Variants in FNDC3B observed in about 807,000 individuals in gnomAD.
FNDC3B encodes the protein fibronectin type III domain-containing protein 3B.
In FNDC3B, 12 loss-of-function variants were observed where a neutral mutation model predicts 151.5. The ratio of observed to expected loss-of-function variants is 0.08; its 90% confidence interval spans 0.05 to 0.13. The LOEUF (loss-of-function observed/expected upper bound fraction) is 0.13, where lower values mean the gene tolerates loss of function less well. Among genes scored for constraint, FNDC3B ranks in the 10% least tolerant of loss-of-function variants. The pLI, the probability that FNDC3B is intolerant of heterozygous loss-of-function variation, is 1.00. For synonymous variants in FNDC3B, 528 were observed against 549.0 expected, an observed-to-expected ratio of 0.96 and a Z score of 0.54; for missense variants, 1,214 against 1,505.3, an observed-to-expected ratio of 0.81 and a Z score of 3.20.
At chr3:172,301,216 G>A (rs1386951035) in intron 9 of FNDC3B, among the ~76,000 whole-genome samples, 1 of 152,194 alleles carries the variant, frequency 6.6e-6, no homozygotes, top group Non-Finnish European at 1.5e-5. Context: ...TCATGTATAA[G>A]TGCTACCTTT....
At chr3:172,247,851 G>A in intron 5 of FNDC3B, 75 bp downstream of exon 5, 8 of 1,513,264 alleles carry the variant, frequency 5.3e-6, no homozygotes, top group Non-Finnish European at 7.3e-6. Context: ...GCGGTCCTTT[G>A]TTTCTTGTGA....
chr3:172,200,046 A>G (rs1725064727), intron 3 of FNDC3B, among the ~76,000 whole-genome samples: 1 of 146,054 alleles, frequency 6.8e-6, no homozygotes, highest in Non-Finnish European at 1.5e-5. Context: ...CTAACCCATT[A>G]TTCCAGTTCA....
chr3:172,079,265 G>GA (rs1007748278), intron 1 of FNDC3B, among the ~76,000 whole-genome samples: 1 of 151,840 alleles, frequency 6.6e-6, no homozygotes. Context: ...GCTGGTTGGG[G>GA]AAAAAAAATA....
At chr3:172,129,181 G>A (rs1254570852) in intron 2 of FNDC3B, among the ~76,000 whole-genome samples, 1 of 152,054 alleles carries the variant, frequency 6.6e-6, no homozygotes, top group South Asian at 2.1e-4. Context: ...TATGTTGCTG[G>A]GGTTGGTCTG....
intron 6 of FNDC3B, among the ~76,000 whole-genome samples, chr3:172,280,285 T>G (rs908029172): frequency 3.9e-5 from 6 of 152,248 alleles, no homozygotes; most frequent in African/African-American, 1.4e-4. Flanking sequence ...AGGCATTGAC[T>G]AGGTATCTAG....
At chr3:172,276,527 T>A (rs1328991202) in intron 6 of FNDC3B, among the ~76,000 whole-genome samples, 3 of 152,194 alleles carry the variant, frequency 2.0e-5, no homozygotes, top group Non-Finnish European at 4.4e-5. Flanking sequence ...TGTAATATAA[T>A]GATACATGCT....
intron 3 of FNDC3B, among the ~76,000 whole-genome samples, chr3:172,212,023 A>T (rs1489998935): frequency 2.0e-5 from 3 of 152,232 alleles, no homozygotes; most frequent in Non-Finnish European, 4.4e-5. Context: ...TCATATAAAT[A>T]AACAGCAATA....
At chr3:172,387,321 C>T (rs924233030) in intron 25 of FNDC3B, among the ~76,000 whole-genome samples, 3 of 152,132 alleles carry the variant, frequency 2.0e-5, no homozygotes, top group Non-Finnish European at 4.4e-5. Context: ...TGGTCTCCAA[C>T]TCCTAACCTC....
chr3:172,267,194 C>T (rs1336300998), intron 6 of FNDC3B, among the ~76,000 whole-genome samples: 1 of 150,964 alleles, frequency 6.6e-6, no homozygotes, highest in Non-Finnish European at 1.5e-5. Flanking sequence ...CTCACTCTGT[C>T]ACCCAGACTG....
chr3:172,256,563 T>C (rs1728356613), intron 6 of FNDC3B, among the ~76,000 whole-genome samples: 1 of 152,196 alleles, frequency 6.6e-6, no homozygotes, highest in South Asian at 2.1e-4. Flanking sequence ...GAAGTTTCTG[T>C]TGCTCTTCAT....
intron 1 of FNDC3B, among the ~76,000 whole-genome samples, chr3:172,060,124 C>T (rs967387025): frequency 6.6e-5 from 10 of 152,112 alleles, no homozygotes; most frequent in Non-Finnish European, 1.2e-4. Flanking sequence ...GTTTCCCTCC[C>T]GAAGAGAGAA....
intron 23 of FNDC3B, among the ~76,000 whole-genome samples, chr3:172,363,409 G>A (rs973447797): frequency 6.6e-6 from 1 of 152,052 alleles, no homozygotes; most frequent in Non-Finnish European, 1.5e-5. Flanking sequence ...AGCCTTTCAC[G>A]TAGTATTTGT....
rs535706239 is a variant in FNDC3B, at chr3:172,397,600, GA to G, written c.*133del. On this transcript the variant is annotated 3_prime_UTR_variant, in exon 26 of 26. Transcript: ENST00000415807. ...ATACTCTGTTTTACAGATTTAGCTA[GA>G]AAAAAAATGTCAGTGTTTTGGTGCA... The G allele has an allele frequency of 2.1e-5, 10 of 486,700 alleles. No individual in the cohort carries two copies. The highest frequency in any genetic ancestry group is 3.0e-5 in the Non-Finnish European group (9 of 304,328). 30.1% of individuals were successfully genotyped at this position (486,700 alleles called of 1,614,324 possible).
At chr3:172,391,914 T>C (rs1356361896) in intron 25 of FNDC3B, among the ~76,000 whole-genome samples, 1 of 152,136 alleles carries the variant, frequency 6.6e-6, no homozygotes, top group Non-Finnish European at 1.5e-5. Context: ...AAGAAAAGCA[T>C]TCTATACTTA....
rs966190203 is a variant in FNDC3B at position 172,399,175 on chromosome 3, G to A, written c.*1700G>A. ...TTATTTATACTATATTCTGCATACAGTACTTTAAATGCCAATTACAGTGCA... is the reference window on the plus strand; with the variant it reads ...TTATTTATACTATATTCTGCATACAATACTTTAAATGCCAATTACAGTGCA... On this transcript the variant is annotated 3_prime_UTR_variant, in exon 26 of 26. Transcript: ENST00000415807. The A allele has an allele frequency of 5.2e-5, 8 of 152,594 alleles. No individual in the cohort carries two copies. The highest frequency in any genetic ancestry group is 1.9e-4 in the African/African-American group (8 of 41,440). 9.5% of individuals were successfully genotyped at this position (152,594 alleles called of 1,614,324 possible). A position where few individuals can be genotyped will look rare whatever the true frequency, so the allele number is the denominator to read the frequency against.
At chr3:172,208,716 G>A (rs1725558370) in intron 3 of FNDC3B, among the ~76,000 whole-genome samples, 1 of 63,896 alleles carries the variant, frequency 1.6e-5, no homozygotes, top group Admixed American at 1.4e-4. Context: ...GGCTTCTTCT[G>A]CCCACTTGGC....
At chr3:172,390,783 G>A (rs1057029296) in intron 25 of FNDC3B, among the ~76,000 whole-genome samples, 1 of 152,160 alleles carries the variant, frequency 6.6e-6, no homozygotes, top group African/African-American at 2.4e-5. Flanking sequence ...GAAATTAAGA[G>A]GCCACATCAC....
At chr3:172,332,707 A>T (rs1471988820) in intron 13 of FNDC3B, among the ~76,000 whole-genome samples, 6 of 152,226 alleles carry the variant, frequency 3.9e-5, no homozygotes, top group Non-Finnish European at 8.8e-5. Context: ...AGAAGAGGGC[A>T]CTGTGTGGTC....
intron 1 of FNDC3B, among the ~76,000 whole-genome samples, chr3:172,109,023 G>A (rs1234478165): frequency 2.0e-5 from 3 of 152,168 alleles, no homozygotes; most frequent in Non-Finnish European, 4.4e-5. Context: ...TGTGTGCATG[G>A]AGCACAGAAA....
Sources: allele counts gnomAD v4.1 joint callset (sites outside exome capture counted in the v4.1 genomes callset), GRCh38; gene constraint gnomAD v4.1.1; transcripts MANE v1.5; gene names NCBI Gene and HGNC (gene_info 2026-07-23, HGNC 2026-07-21).